Variants in ADAM22 observed in about 807,000 individuals in gnomAD.
ADAM22 encodes disintegrin and metalloproteinase domain-containing protein 22.
A neutral mutation model predicts 144.6 loss-of-function variants in ADAM22; 65 were observed. The observed-to-expected ratio is 0.45, with a 90% CI of 0.37 to 0.55. ADAM22 has a LOEUF of 0.55. ADAM22 is among the 20% of genes least tolerant of loss of function. ADAM22 has a pLI of 0.00. For synonymous variants in ADAM22, 391 were observed against 412.6 expected (o/e 0.95, Z 0.63); for missense variants, 974 against 1,184.9 (o/e 0.82, Z 2.61).
intron 3 of ADAM22, among the ~76,000 whole-genome samples, chr7:87,989,777 G>A (rs1305597348): frequency 6.6e-6 from 1 of 152,066 alleles, no homozygotes; most frequent in Non-Finnish European, 1.5e-5. Context: ...TTTTCCAGGG[G>A]TGGTGGCACA....
rs1266687917 is a variant in ADAM22, at chr7:88,199,271, AG to A, written c.*2781del. 6.6e-6 allele frequency: 1 copy of A among 152,218 alleles called. No individual in the cohort carries two copies. The highest frequency in any genetic ancestry group is 1.5e-5 in the Non-Finnish European group (1 of 68,038). 9.4% of individuals were successfully genotyped at this position (152,218 alleles called of 1,614,324 possible). ...CTACAAAATCATTGCTAAGCAGAAG[AG>A]AGCAGTTATTTGGCCTTTATGTTCC... On this transcript the variant is annotated 3_prime_UTR_variant, in exon 32 of 32. Coordinates refer to ENST00000413139, the MANE Select transcript of ADAM22 (RefSeq NM_001324418.2).
At chr7:88,190,352 T>C (rs1245678750) in intron 30 of ADAM22, among the ~76,000 whole-genome samples, 2 of 152,062 alleles carry the variant, frequency 1.3e-5, no homozygotes, top group Non-Finnish European at 2.9e-5. Context: ...CTGGCCATCA[T>C]GGTGAGACCC....
chr7:87,945,688 A>G (rs1843531564), intron 2 of ADAM22, among the ~76,000 whole-genome samples: 2 of 151,526 alleles, frequency 1.3e-5, no homozygotes, highest in Admixed American at 6.6e-5. Context: ...AATTTTTTGT[A>G]TTTTTAGTAG....
chr7:88,111,736 A>G (rs1367815483), intron 5 of ADAM22, among the ~76,000 whole-genome samples: 1 of 152,218 alleles, frequency 6.6e-6, no homozygotes, highest in Non-Finnish European at 1.5e-5. Flanking sequence ...CAATATAAAA[A>G]TTAGGATTTA....
chr7:88,172,013 A>T (rs1844450343), intron 26 of ADAM22, among the ~76,000 whole-genome samples: 1 of 151,744 alleles, frequency 6.6e-6, no homozygotes, highest in Non-Finnish European at 1.5e-5. Context: ...GACAAAGTTT[A>T]TTTGGGCAGT....
chr7:88,095,381 G>A (rs973517877), intron 4 of ADAM22, among the ~76,000 whole-genome samples: 4 of 152,126 alleles, frequency 2.6e-5, no homozygotes, highest in Non-Finnish European at 5.9e-5. Flanking sequence ...ATTAATCCAG[G>A]TATTAGAAAA....
chr7:88,074,546 T>C (rs1290633402), intron 3 of ADAM22, among the ~76,000 whole-genome samples: 7 of 152,206 alleles, frequency 4.6e-5, no homozygotes, highest in Non-Finnish European at 1.0e-4. Context: ...GTCCTGATTG[T>C]TTAATATACT....
At chr7:87,948,013 G>A (rs1844131765) in intron 2 of ADAM22, among the ~76,000 whole-genome samples, 1 of 152,122 alleles carries the variant, frequency 6.6e-6, no homozygotes, top group Admixed American at 6.6e-5. Context: ...ATTACATCAG[G>A]TTTTCCCTGG....
chr7:88,168,202 T>C lies in ADAM22; in HGVS notation c.2257T>C (p.Leu753=). The C allele has an allele frequency of 6.2e-7, 1 of 1,613,130 alleles. No individual in the cohort carries two copies. The highest frequency in any genetic ancestry group is 8.5e-7 in the Non-Finnish European group (1 of 1,179,384). Residue 753 remains leucine, a synonymous_variant, in exon 25 of 32, where the codon TTA becomes CTA. Transcript: ENST00000413139. The part of the protein sequence containing the change: ...AGTILVLALI[L]GITAWGYKNY... ...CACCATTTTAGTGCTGGCCCTCATA[T>C]TAGGAATAACTGCGTGGGGTTATAA... is the stretch of plus-strand genomic sequence containing the variant.
chr7:88,074,746 A>T (rs565421927), intron 3 of ADAM22, among the ~76,000 whole-genome samples: 2 of 152,288 alleles, frequency 1.3e-5, no homozygotes, highest in Non-Finnish European at 1.5e-5. Flanking sequence ...TGCTTGTTTG[A>T]TCGTTCTGTT....
intron 7 of ADAM22, among the ~76,000 whole-genome samples, chr7:88,117,757 G>A (rs1828178546): frequency 1.3e-5 from 2 of 149,704 alleles, no homozygotes; most frequent in Admixed American, 6.7e-5. Context: ...GCAGTGACGC[G>A]ACCTCAGCTC....
chr7:88,064,789 C>A (rs1810796290), intron 3 of ADAM22, among the ~76,000 whole-genome samples: 1 of 152,120 alleles, frequency 6.6e-6, no homozygotes, highest in Non-Finnish European at 1.5e-5. Flanking sequence ...ATATCATCCC[C>A]TTGAGGGTTA....
chr7:88,018,955 CTA>C (rs1797133054), intron 3 of ADAM22, among the ~76,000 whole-genome samples: 1 of 151,910 alleles, frequency 6.6e-6, no homozygotes. Flanking sequence ...CTTATGAGCT[CTA>C]TAGCTTTTTT....
intron 2 of ADAM22, among the ~76,000 whole-genome samples, chr7:87,953,007 A>T (rs1292068014): frequency 6.6e-6 from 1 of 151,738 alleles, no homozygotes; most frequent in Non-Finnish European, 1.5e-5. Context: ...ATCATTTTTT[A>T]TTGCATCTAT....
chr7:87,946,918 G>C (rs139849985), intron 2 of ADAM22, among the ~76,000 whole-genome samples: 383 of 152,178 alleles, frequency 2.5e-3, no homozygotes, highest in South Asian at 3.1e-3. Context: ...CAGATGTGGC[G>C]GGAGGCCATT....
At chr7:88,050,830 A>G (rs1405051059) in intron 3 of ADAM22, among the ~76,000 whole-genome samples, 1 of 152,086 alleles carries the variant, frequency 6.6e-6, no homozygotes, top group African/African-American at 2.4e-5. Flanking sequence ...TCTGATGGTA[A>G]TTTCTTTTGC....
At chr7:88,041,004 C>CT (rs1802994597) in intron 3 of ADAM22, among the ~76,000 whole-genome samples, 1 of 152,012 alleles carries the variant, frequency 6.6e-6, no homozygotes, top group Non-Finnish European at 1.5e-5. Context: ...ATGGCAACTG[C>CT]TTTTTCCAGG....
intron 3 of ADAM22, among the ~76,000 whole-genome samples, chr7:88,025,992 G>C (rs75482561): frequency 6.6e-6 from 1 of 151,796 alleles, no homozygotes; most frequent in Non-Finnish European, 1.5e-5. Flanking sequence ...TTCATTTTTT[G>C]TGTGTGTGTC....
intron 3 of ADAM22, among the ~76,000 whole-genome samples, chr7:88,005,312 G>C (rs1793542898): frequency 6.6e-6 from 1 of 152,098 alleles, no homozygotes; most frequent in African/African-American, 2.4e-5. Context: ...GGATGTCAGG[G>C]CCAGGGGAGG....
Sources: allele counts gnomAD v4.1 joint callset (sites outside exome capture counted in the v4.1 genomes callset), GRCh38; gene constraint gnomAD v4.1.1; transcripts MANE v1.5; gene names NCBI Gene and HGNC (gene_info 2026-07-23, HGNC 2026-07-21).